The following WASHC2A variants were observed in gnomAD, a reference collection of about 807,000 sequenced individuals.
WASHC2A encodes WASH complex subunit FAM21A.
Under a neutral mutation model 140.3 loss-of-function variants are expected in WASHC2A, and 82 were observed. The observed-to-expected ratio is 0.58, with a 90% CI of 0.49 to 0.70. The LOEUF (loss-of-function observed/expected upper bound fraction) is 0.70, where lower values mean the gene tolerates loss of function less well. Ranked by LOEUF, WASHC2A falls within the 30% of genes least tolerant of loss-of-function variation. WASHC2A has a pLI of 0.00. For synonymous variants in WASHC2A, 340 were observed against 560.8 expected, an observed-to-expected ratio of 0.61 and a Z score of 5.56; for missense variants, 985 against 1,521.8, an observed-to-expected ratio of 0.65 and a Z score of 5.87.
At chr10:50,068,773 A>G (rs1461062988) in intron 2 of WASHC2A, among the ~76,000 whole-genome samples, 2 of 150,052 alleles carry the variant, frequency 1.3e-5, no homozygotes, top group Admixed American at 6.6e-5. Flanking sequence ...CTGGAGTGCA[A>G]GTGGCTTGAT....
At chr10:50,100,233 A>T (rs1332392948) in intron 17 of WASHC2A, among the ~76,000 whole-genome samples, 169 bp downstream of exon 17, 10 of 152,094 alleles carry the variant, frequency 6.6e-5, no homozygotes, top group African/African-American at 1.9e-4. Flanking sequence ...CTGTAATCCC[A>T]GCACTTTGGT....
chr10:50,083,554 CTTTTTTT>C (rs1206903936), intron 5 of WASHC2A, among the ~76,000 whole-genome samples: 12 of 83,694 alleles, frequency 1.4e-4, no homozygotes, highest in African/African-American at 5.7e-4. Flanking sequence ...ACTTTGGTAT[CTTTTTTT>C]TTTTTTTTTT....
At chr10:50,077,773 A>G (rs2132396524) in intron 3 of WASHC2A, among the ~76,000 whole-genome samples, 1 of 151,080 alleles carries the variant, frequency 6.6e-6, no homozygotes, top group East Asian at 2.0e-4. Flanking sequence ...CCCAAGCTCA[A>G]GAGTTCCTCC....
intron 8 of WASHC2A, among the ~76,000 whole-genome samples, chr10:50,087,648 C>T (rs1489213702): frequency 2.6e-5 from 4 of 151,982 alleles, no homozygotes; most frequent in Non-Finnish European, 5.9e-5. Context: ...AAATTGGAGA[C>T]AATCTAGCAG....
rs374673369 is a variant in WASHC2A, at chr10:50,104,063, G to A, written c.1657G>A (p.Ala553Thr). 16 of 1,512,106 alleles carry A rather than the reference G, an allele frequency of 1.1e-5. No individual in the cohort carries two copies. Among genetic ancestry groups the A allele is most frequent in the Middle Eastern group, 2.4e-4 (1 of 4,154 alleles). 93.7% of individuals were successfully genotyped at this position (1,512,106 alleles called of 1,614,324 possible). A position where few individuals can be genotyped will look rare whatever the true frequency, so the allele number is the denominator to read the frequency against. The change falls in exon 18 of 31, where the codon GCG becomes ACG. Residue 553 changes from alanine (A) to threonine (T), a missense_variant. Transcript: ENST00000282633. ...ACAGGATTTGTTTTCTTCTCAAAGT[G>A]CGAGTAAGTTAAAAGGTGCGTCTCT... ...DSEDLFSSQS[A>T]SKLKGASLLP...
intron 3 of WASHC2A, among the ~76,000 whole-genome samples, chr10:50,074,788 C>T (rs1448954582): frequency 3.9e-5 from 6 of 151,976 alleles, no homozygotes; most frequent in Admixed American, 6.6e-5. Flanking sequence ...TGGTGGCAGG[C>T]GCCTGTAGTC....
intron 16 of WASHC2A, among the ~76,000 whole-genome samples, chr10:50,099,200 T>C (rs1293289710): frequency 1.3e-5 from 2 of 152,158 alleles, no homozygotes; most frequent in African/African-American, 4.8e-5. Flanking sequence ...TCCCCGATTT[T>C]TAGTATTGCT....
At chr10:50,101,887 G>C (rs1282123873) in intron 17 of WASHC2A, among the ~76,000 whole-genome samples, 1 of 151,750 alleles carries the variant, frequency 6.6e-6, no homozygotes, top group Non-Finnish European at 1.5e-5. Flanking sequence ...GCCCTGTGTG[G>C]CTCCCAGCAT....
At chr10:50,105,389 T>C (rs2596988) in intron 18 of WASHC2A, among the ~76,000 whole-genome samples, 43,990 of 92,558 alleles carry the variant, frequency 0.48, 10,806 homozygotes, top group Middle Eastern at 0.59. Flanking sequence ...TCCTTAAGCT[T>C]ATGTGGCTTA....
intron 5 of WASHC2A, among the ~76,000 whole-genome samples, chr10:50,083,617 G>A (rs1589167235): frequency 2.6e-5 from 3 of 116,434 alleles, no homozygotes; most frequent in African/African-American, 3.7e-5. Context: ...GAGTGCAGTA[G>A]TGCAATCTCA....
At chr10:50,102,196 A>G (rs1841267061) in intron 17 of WASHC2A, among the ~76,000 whole-genome samples, 1 of 152,158 alleles carries the variant, frequency 6.6e-6, no homozygotes, top group East Asian at 1.9e-4. Context: ...TTTATTGGAT[A>G]TTGTTCAGAT....
chr10:50,076,909 T>C (rs1313474439), intron 3 of WASHC2A, among the ~76,000 whole-genome samples: 2 of 149,658 alleles, frequency 1.3e-5, no homozygotes, highest in Non-Finnish European at 2.9e-5. Context: ...CGAGGTCAGA[T>C]TGAGACCATC....
chr10:50,070,546 T>A (rs1383746515), intron 3 of WASHC2A, among the ~76,000 whole-genome samples: 3 of 151,676 alleles, frequency 2.0e-5, no homozygotes, highest in African/African-American at 7.3e-5. Context: ...AGATTTAGAA[T>A]AGTTAAGAGA....
intron 4 of WASHC2A, among the ~76,000 whole-genome samples, chr10:50,079,275 C>T (rs1478133803): frequency 6.6e-6 from 1 of 151,960 alleles, no homozygotes; most frequent in Non-Finnish European, 1.5e-5. Flanking sequence ...GGCCCTTTGT[C>T]AGCAATTATT....
intron 3 of WASHC2A, among the ~76,000 whole-genome samples, chr10:50,073,283 TA>T (rs1186915911): frequency 5.3e-5 from 8 of 149,972 alleles, no homozygotes; most frequent in Admixed American, 1.3e-4. Flanking sequence ...TTTGTAAAAT[TA>T]AAAAAAAAAT....
chr10:50,129,103 G>C (rs551614909), intron 28 of WASHC2A, among the ~76,000 whole-genome samples: 1 of 152,202 alleles, frequency 6.6e-6, no homozygotes, highest in East Asian at 1.9e-4. Context: ...GAGACAGAGA[G>C]CCAACATACC....
At chr10:50,086,106 A>T (rs1839352528) in intron 7 of WASHC2A, among the ~76,000 whole-genome samples, 1 of 150,854 alleles carries the variant, frequency 6.6e-6, no homozygotes, top group South Asian at 2.1e-4. Context: ...TGTTCTTTAG[A>T]TGGGATATTC....
intron 29 of WASHC2A, among the ~76,000 whole-genome samples, chr10:50,130,621 GA>G (rs908380898): frequency 2.0e-5 from 3 of 152,196 alleles, no homozygotes; most frequent in Non-Finnish European, 4.4e-5. Context: ...GTGTCATGAA[GA>G]AAATAACCTG....
intron 9 of WASHC2A, 98 bp from the exon 10 acceptor site, chr10:50,091,333 A>AT: frequency 7.1e-7 from 1 of 1,417,866 alleles, no homozygotes; most frequent in Non-Finnish European, 9.7e-7. Context: ...CCTCAGTTCA[A>AT]TTTCTTTGCT....
Sources: gnomAD v4.1 joint callset for allele counts (sites outside exome capture counted in the v4.1 genomes callset) on GRCh38, gnomAD v4.1.1 for gene constraint, MANE v1.5 for transcripts, NCBI Gene and HGNC (gene_info 2026-07-23, HGNC 2026-07-21) for gene names.